Variants in CNTNAP2 observed in about 807,000 individuals in gnomAD.
The protein encoded by CNTNAP2 is contactin-associated protein-like 2.
CNTNAP2 carries 98 observed loss-of-function variants against 155.2 expected under a neutral mutation model. That is an observed-to-expected ratio of 0.63 (90% confidence interval 0.54 to 0.75). The LOEUF is 0.75. CNTNAP2 is among the 30% of genes least tolerant of loss of function. CNTNAP2 has a pLI of 0.00. For missense variants in CNTNAP2, 1,727 were observed against 1,688.1 expected, an observed-to-expected ratio of 1.02 and a Z score of -0.40; for synonymous variants, 651 against 631.2, an observed-to-expected ratio of 1.03 and a Z score of -0.47.
At chr7:147,612,550 A>C (rs545932172) in intron 12 of CNTNAP2, among the ~76,000 whole-genome samples, 1 of 151,752 alleles carries the variant, frequency 6.6e-6, no homozygotes, top group Non-Finnish European at 1.5e-5. Context: ...ACAGGCATGC[A>C]CCACCATGCC....
chr7:148,251,798 T>C (rs1796366901), intron 20 of CNTNAP2, among the ~76,000 whole-genome samples: 1 of 152,182 alleles, frequency 6.6e-6, no homozygotes, highest in Admixed American at 6.5e-5. Flanking sequence ...TATTGGATGA[T>C]CCAGTCACAT....
intron 1 of CNTNAP2, among the ~76,000 whole-genome samples, chr7:146,607,652 A>G (rs1799070232): frequency 6.6e-6 from 1 of 151,690 alleles, no homozygotes; most frequent in Non-Finnish European, 1.5e-5. Flanking sequence ...ATTTTTTAAA[A>G]TTTTTATAGA....
At chr7:147,668,069 C>T (rs1795727402) in intron 13 of CNTNAP2, among the ~76,000 whole-genome samples, 3 of 151,992 alleles carry the variant, frequency 2.0e-5, no homozygotes, top group Admixed American at 1.3e-4. Flanking sequence ...AGGATGACAT[C>T]GAGGAGCTCC....
At chr7:147,005,430 A>G (rs770311902) in intron 3 of CNTNAP2, among the ~76,000 whole-genome samples, 2 of 152,080 alleles carry the variant, frequency 1.3e-5, no homozygotes, top group African/African-American at 2.4e-5. Flanking sequence ...CCTAGCTGGA[A>G]TAGACCCCTG....
intron 21 of CNTNAP2, among the ~76,000 whole-genome samples, chr7:148,326,693 C>T (rs1180987906): frequency 2.6e-5 from 4 of 151,812 alleles, no homozygotes; most frequent in Non-Finnish European, 4.4e-5. Flanking sequence ...GGTGAAACCC[C>T]GTCTCTACTA....
rs536587824 is a variant in CNTNAP2 at position 146,352,899 on chromosome 7, C to T, written c.97+235926C>T. Among the ~76,000 whole-genome samples the T allele has an allele frequency of 3.3e-5, 5 of 150,774 alleles. No homozygotes were observed. In the South Asian group the frequency reaches 8.3e-4, roughly 25 times the overall value. On this transcript the variant is annotated intron_variant, in intron 1 of 23. Coordinates refer to ENST00000361727, the MANE Select transcript of CNTNAP2 (RefSeq NM_014141.6). ...CCTCCCTAGTCGCTAGGACTACAGGCACCCGCCACCACGCCCGGCTAATTT... is the reference window on the plus strand; with the variant it reads ...CCTCCCTAGTCGCTAGGACTACAGGTACCCGCCACCACGCCCGGCTAATTT...
At chr7:146,289,113 C>T (rs1800387707) in intron 1 of CNTNAP2, among the ~76,000 whole-genome samples, 1 of 152,086 alleles carries the variant, frequency 6.6e-6, no homozygotes, top group Non-Finnish European at 1.5e-5. Context: ...CAGATGAATA[C>T]ATCTTATGCC....
At chr7:147,129,535 T>C (rs1231341654) in intron 7 of CNTNAP2, among the ~76,000 whole-genome samples, 1 of 152,188 alleles carries the variant, frequency 6.6e-6, no homozygotes, top group Admixed American at 6.6e-5. Flanking sequence ...TTTGCAATTT[T>C]AGTATGAGAG....
intron 1 of CNTNAP2, among the ~76,000 whole-genome samples, chr7:146,436,314 C>T (rs1796242920): frequency 6.6e-6 from 1 of 152,206 alleles, no homozygotes; most frequent in South Asian, 2.1e-4. Context: ...AAGAGGTATG[C>T]TCTTATGTTC....
chr7:148,331,749 A>AGTAG (rs1563046034), intron 21 of CNTNAP2, among the ~76,000 whole-genome samples: 2 of 109,958 alleles, frequency 1.8e-5, no homozygotes, highest in Admixed American at 8.8e-5. Flanking sequence ...GGATGGATGG[A>AGTAG]ACGGACGGAT....
intron 10 of CNTNAP2, among the ~76,000 whole-genome samples, chr7:147,466,093 G>A (rs1208478912): frequency 6.6e-6 from 1 of 152,144 alleles, no homozygotes; most frequent in Non-Finnish European, 1.5e-5. Context: ...GTAGAATAAA[G>A]GCCAAAGATA....
intron 10 of CNTNAP2, among the ~76,000 whole-genome samples, chr7:147,462,237 C>A (rs1451989680): frequency 2.0e-5 from 3 of 152,178 alleles, no homozygotes; most frequent in Non-Finnish European, 2.9e-5. Flanking sequence ...CCCACAGTAT[C>A]CTGCCCATGC....
At chr7:146,746,313 A>G (rs1483181419) in intron 1 of CNTNAP2, among the ~76,000 whole-genome samples, 1 of 152,140 alleles carries the variant, frequency 6.6e-6, no homozygotes, top group Non-Finnish European at 1.5e-5. Context: ...TTTTGTTTCT[A>G]TTTGCTTGCC....
chr7:148,343,298 G>C (rs1798267134), intron 21 of CNTNAP2, among the ~76,000 whole-genome samples: 1 of 152,194 alleles, frequency 6.6e-6, no homozygotes, highest in Non-Finnish European at 1.5e-5. Context: ...CCAGGCAAAA[G>C]TGGCTCCCGT....
Position 148,172,420 on chromosome 7 carries a change from C to T in CNTNAP2, c.2952C>T (p.Tyr984=), listed in dbSNP as rs1585166298. The change falls in exon 18 of 24, where the codon TAC becomes TAT. Residue 984 remains tyrosine (Y), a synonymous_variant. Coordinates refer to ENST00000361727, the MANE Select transcript of CNTNAP2 (RefSeq NM_014141.6). ...CENGGKCLER[Y]HGYSCDCSNT... ...ATGGAGGCAAATGCCTAGAGAGATACCACGGTTACTCCTGCGATTGCTCTA... is the reference window on the plus strand; with the variant it reads ...ATGGAGGCAAATGCCTAGAGAGATATCACGGTTACTCCTGCGATTGCTCTA... The T allele has an allele frequency of 6.2e-7, 1 of 1,614,178 alleles. No individual in the cohort carries two copies. Among genetic ancestry groups the T allele is most frequent in the Non-Finnish European group, 8.5e-7 (1 of 1,180,030 alleles).
chr7:147,810,431 A>T (rs1798161444), intron 13 of CNTNAP2, among the ~76,000 whole-genome samples: 1 of 152,052 alleles, frequency 6.6e-6, no homozygotes, highest in Non-Finnish European at 1.5e-5. Context: ...TGTACCTCAC[A>T]GGGTTCATGT....
intron 1 of CNTNAP2, among the ~76,000 whole-genome samples, chr7:146,556,327 G>T (rs1798197746): frequency 6.6e-6 from 1 of 152,160 alleles, no homozygotes; most frequent in Non-Finnish European, 1.5e-5. Flanking sequence ...TTCTGGATCT[G>T]CCTCTTGGTA....
Position 146,541,028 on chromosome 7 carries a change from T to C in CNTNAP2, c.98-233243T>C, listed in dbSNP as rs113148978. On this transcript the variant is annotated intron_variant, in intron 1 of 23. Transcript: ENST00000361727. ...ACTCTAAGAAACCTATAAAGCATAA[T>C]TGTTCTAAAATATCTCCACTATTAA... Among the ~76,000 whole-genome samples, 1,100 of 152,118 alleles carry C rather than the reference T, an allele frequency of 7.2e-3. 10 individuals carry two copies. Among genetic ancestry groups the C allele is most frequent in the African/African-American group, 0.025 (1,028 of 41,524 alleles).
intron 9 of CNTNAP2, among the ~76,000 whole-genome samples, chr7:147,326,256 G>T (rs1403667820): frequency 1.3e-5 from 2 of 152,138 alleles, no homozygotes; most frequent in Admixed American, 1.3e-4. Context: ...TTATGAATTT[G>T]AATATTCTAG....
Sources: allele counts gnomAD v4.1 joint callset (sites outside exome capture counted in the v4.1 genomes callset), GRCh38; gene constraint gnomAD v4.1.1; transcripts MANE v1.5; gene names NCBI Gene and HGNC (gene_info 2026-07-23, HGNC 2026-07-21).